Variants in CFAP54 observed in about 807,000 individuals in gnomAD.
The protein encoded by CFAP54 is cilia and flagella associated protein 54.
A neutral mutation model predicts 370.4 loss-of-function variants in CFAP54; 290 were observed. The ratio of observed to expected loss-of-function variants is 0.78; its 90% CI spans 0.71 to 0.86. The LOEUF is 0.86. Ranked by LOEUF, CFAP54 falls within the 40% of genes least tolerant of loss-of-function variation. The pLI, the probability that CFAP54 is intolerant of heterozygous loss-of-function variation, is 0.00. For synonymous variants in CFAP54, 1,206 were observed against 1,236.5 expected, an observed-to-expected ratio of 0.98 and a Z score of 0.52; for missense variants, 3,399 against 3,528.7, an observed-to-expected ratio of 0.96 and a Z score of 0.93.
intron 50 of CFAP54, among the ~76,000 whole-genome samples, 184 bp from the exon 51 acceptor site, chr12:96,739,772 T>C (rs2136639070): frequency 6.6e-6 from 1 of 152,252 alleles, no homozygotes; most frequent in African/African-American, 2.4e-5. Flanking sequence ...CAATGAAATA[T>C]GACAAGTACT....
chr12:96,589,384 T>G, intron 22 of CFAP54, 43 bp from the exon 23 acceptor site: 1 of 1,423,594 alleles, frequency 7.0e-7, no homozygotes, highest in Non-Finnish European at 9.5e-7. Flanking sequence ...AAACATTCAT[T>G]CACGAATAAA....
chr12:96,620,341 G>T (rs1408216588), intron 26 of CFAP54, among the ~76,000 whole-genome samples: 1 of 152,192 alleles, frequency 6.6e-6, no homozygotes, highest in African/African-American at 2.4e-5. Flanking sequence ...ATGGGGGCGG[G>T]TCTTTCCTGT....
At chr12:96,513,344 T>C (rs1955194676) in intron 5 of CFAP54, among the ~76,000 whole-genome samples, 1 of 152,232 alleles carries the variant, frequency 6.6e-6, no homozygotes, top group African/African-American at 2.4e-5. Context: ...CTGGTTGCTA[T>C]AGCTTTAGGT....
Position 96,792,708 on chromosome 12 carries a change from A to G in CFAP54, c.8850+209A>G, listed in dbSNP as rs774495850. 8.6e-4 allele frequency among the ~76,000 whole-genome samples: 131 copies of G among 152,124 alleles called. 1 individual carries two copies. Among genetic ancestry groups the G allele is most frequent in the Non-Finnish European group, 1.7e-3 (114 of 68,012 alleles). Reference sequence around the variant, plus strand: ...AGGCTGATCATTTTTCTTTTTCCTGATCCCATAGGGAAAATTTTCAGTGTG... The same window carrying G: ...AGGCTGATCATTTTTCTTTTTCCTGGTCCCATAGGGAAAATTTTCAGTGTG... On this transcript the variant is annotated intron_variant, in intron 63 of 67. Transcript: ENST00000524981.
At chr12:96,674,457 AC>A (rs1957181606) in intron 39 of CFAP54, among the ~76,000 whole-genome samples, 1 of 151,486 alleles carries the variant, frequency 6.6e-6, no homozygotes, top group South Asian at 2.1e-4. Context: ...CAGAGAGGAA[AC>A]CCCTTGAGGC....
intron 8 of CFAP54, among the ~76,000 whole-genome samples, chr12:96,523,941 T>G (rs1955347402): frequency 6.6e-6 from 1 of 151,476 alleles, no homozygotes; most frequent in Non-Finnish European, 1.5e-5. Flanking sequence ...TAAGAAAAAA[T>G]TGTAATTGTT....
At chr12:96,659,762 T>C (rs1419213534) in intron 38 of CFAP54, among the ~76,000 whole-genome samples, 2 of 152,220 alleles carry the variant, frequency 1.3e-5, no homozygotes, top group Admixed American at 1.3e-4. Context: ...GTGGGTGACC[T>C]GCCCAAGGGC....
At chr12:96,682,304 G>T (rs556157964) in intron 40 of CFAP54, 4 of 985,628 alleles carry the variant, frequency 4.1e-6, no homozygotes, top group Non-Finnish European at 4.8e-6. Flanking sequence ...TCACAACTTG[G>T]ACTTGTAATT....
At chr12:96,543,283 A>T (rs1449356342) in intron 14 of CFAP54, among the ~76,000 whole-genome samples, 3 of 152,238 alleles carry the variant, frequency 2.0e-5, no homozygotes, top group Non-Finnish European at 4.4e-5. Context: ...AGGGAAGCAC[A>T]GTGGAGAAGT....
At chr12:96,684,113 T>C (rs1210808117) in intron 40 of CFAP54, among the ~76,000 whole-genome samples, 6 of 152,162 alleles carry the variant, frequency 3.9e-5, no homozygotes, top group Non-Finnish European at 8.8e-5. Flanking sequence ...ATTAAAGATA[T>C]TTTCTGCCTT....
At chr12:96,625,942 C>A in intron 29 of CFAP54, 135 bp downstream of exon 29, 1 of 613,176 alleles carries the variant, frequency 1.6e-6, no homozygotes, top group Non-Finnish European at 2.7e-6. Context: ...CTTACCCACT[C>A]AGAATAATGC....
intron 22 of CFAP54, 32 bp from the exon 23 acceptor site, chr12:96,589,395 A>G (rs1258926729): frequency 6.8e-7 from 1 of 1,467,476 alleles, no homozygotes; most frequent in Admixed American, 2.1e-5. Flanking sequence ...CACGAATAAA[A>G]CTATTACATA....
At chr12:96,649,679 T>G (rs1956836501) in intron 34 of CFAP54, among the ~76,000 whole-genome samples, 1 of 152,230 alleles carries the variant, frequency 6.6e-6, no homozygotes. Context: ...TATTTCCCCA[T>G]ATAGCTAAAT....
rs559329037 is a variant in CFAP54, at chr12:96,570,371, T to C, written c.2619+5606T>C. ...CTTCTAATTCTGACCCCTCCTCTTATGAGGCCATGTTTTGACTCCCAGGCT... is the reference window on the plus strand; with the variant it reads ...CTTCTAATTCTGACCCCTCCTCTTACGAGGCCATGTTTTGACTCCCAGGCT... On this transcript the variant is annotated intron_variant, in intron 19 of 67. Coordinates refer to ENST00000524981, the MANE Select transcript of CFAP54 (RefSeq NM_001306084.2). 1.4e-3 allele frequency among the ~76,000 whole-genome samples: 220 copies of C among 152,076 alleles called. 2 individuals carry two copies. The highest frequency in any genetic ancestry group is 0.01 in the Middle Eastern group (3 of 294).
intron 60 of CFAP54, among the ~76,000 whole-genome samples, chr12:96,766,125 T>C (rs1014933310): frequency 1.3e-5 from 2 of 152,186 alleles, no homozygotes; most frequent in Non-Finnish European, 2.9e-5. Flanking sequence ...ATCACATCTG[T>C]AGACAGCGTC....
At chr12:96,869,238 T>C (rs1307336331) in intron 67 of CFAP54, among the ~76,000 whole-genome samples, 1 of 152,244 alleles carries the variant, frequency 6.6e-6, no homozygotes, top group African/African-American at 2.4e-5. Context: ...TAATGTGTTT[T>C]TTTTTCTTAG....
At chr12:96,697,370 C>T (rs568272672) in intron 45 of CFAP54, among the ~76,000 whole-genome samples, 1 of 152,196 alleles carries the variant, frequency 6.6e-6, no homozygotes, top group East Asian at 1.9e-4. Flanking sequence ...ATCTAGAAAC[C>T]TGAAAGAGTT....
At chr12:96,694,441 G>A (rs1176228329) in intron 45 of CFAP54, among the ~76,000 whole-genome samples, 5 of 151,840 alleles carry the variant, frequency 3.3e-5, no homozygotes, top group African/African-American at 9.7e-5. Context: ...TCCCAGTTCT[G>A]TACTTCCTCA....
At chr12:96,788,914 TGCTCA>T (rs1378746721) in intron 62 of CFAP54, among the ~76,000 whole-genome samples, 3 of 152,152 alleles carry the variant, frequency 2.0e-5, no homozygotes, top group African/African-American at 7.2e-5. Context: ...GCATGCCCAA[TGCTCA>T]GCAACCCCAT....
Sources: allele counts gnomAD v4.1 joint callset (sites outside exome capture counted in the v4.1 genomes callset), GRCh38; gene constraint gnomAD v4.1.1; transcripts MANE v1.5; gene names NCBI Gene and HGNC (gene_info 2026-07-23, HGNC 2026-07-21).